Variants in NALF1 observed in about 807,000 individuals in gnomAD.
The protein encoded by NALF1 is family with sequence similarity 155 member A.
Under a neutral mutation model 48.4 loss-of-function variants are expected in NALF1, and 3 were observed. The observed-to-expected ratio is 0.06, with a 90% CI of 0.03 to 0.16. NALF1 has a LOEUF of 0.16. NALF1 is among the 10% of genes least tolerant of loss of function. The pLI, the probability that NALF1 is intolerant of heterozygous loss-of-function variation, is 1.00. For synonymous variants in NALF1, 262 were observed against 245.7 expected (o/e 1.07, Z -0.62); for missense variants, 526 against 571.5 (o/e 0.92, Z 0.81).
At chr13:107,782,085 G>T (rs539374300) in intron 1 of NALF1, among the ~76,000 whole-genome samples, 2 of 151,824 alleles carry the variant, frequency 1.3e-5, no homozygotes, top group African/African-American at 2.4e-5. Context: ...CTCTTTCCAC[G>T]GTCTCCCTCT....
intron 1 of NALF1, among the ~76,000 whole-genome samples, chr13:107,731,424 G>A (rs1471288538): frequency 6.6e-6 from 1 of 152,092 alleles, no homozygotes. Flanking sequence ...TTTAGGTTCA[G>A]GAGTACATGT....
chr13:107,220,993 T>C (rs1309213037), intron 1 of NALF1, among the ~76,000 whole-genome samples: 1 of 152,152 alleles, frequency 6.6e-6, no homozygotes, highest in Non-Finnish European at 1.5e-5. Context: ...CAAAATTTCT[T>C]TTGCAGCAAG....
intron 1 of NALF1, among the ~76,000 whole-genome samples, chr13:107,388,307 C>T (rs184810543): frequency 1.3e-5 from 2 of 152,218 alleles, no homozygotes; most frequent in Admixed American, 6.5e-5. Context: ...GGGTACTGGA[C>T]CAAAATATAA....
At chr13:107,777,659 A>C (rs1877776539) in intron 1 of NALF1, among the ~76,000 whole-genome samples, 1 of 152,168 alleles carries the variant, frequency 6.6e-6, no homozygotes, top group Non-Finnish European at 1.5e-5. Flanking sequence ...TGCTGGAGCT[A>C]TGCTTCCTCT....
Position 107,647,284 on chromosome 13 carries a change from C to T in NALF1, c.915+218398G>A, listed in dbSNP as rs540807467. Reference sequence around the variant, plus strand: ...GAACATGAATAAATCCTGTCTCTTCCCTCACTCTATGCCCTCAGTAAAGAG... The same window carrying T: ...GAACATGAATAAATCCTGTCTCTTCTCTCACTCTATGCCCTCAGTAAAGAG... On this transcript the variant is annotated intron_variant, in intron 1 of 2. Coordinates refer to ENST00000375915, the MANE Select transcript of NALF1 (RefSeq NM_001080396.3). 1.1e-4 allele frequency among the ~76,000 whole-genome samples: 16 copies of T among 151,974 alleles called. No individual in the cohort carries two copies. In the East Asian group the frequency reaches 2.5e-3, roughly 24 times the overall value.
chr13:107,481,969 A>G (rs1292532745), intron 1 of NALF1, among the ~76,000 whole-genome samples: 1 of 152,178 alleles, frequency 6.6e-6, no homozygotes, highest in Non-Finnish European at 1.5e-5. Flanking sequence ...GACATTGATT[A>G]TCTTAGTGTG....
At chr13:107,689,501 C>T (rs1881518640) in intron 1 of NALF1, among the ~76,000 whole-genome samples, 1 of 152,022 alleles carries the variant, frequency 6.6e-6, no homozygotes, top group East Asian at 1.9e-4. Context: ...AAGAATTATA[C>T]CTTGGTTATA....
chr13:107,242,228 G>T lies in NALF1; in HGVS notation c.916-31473C>A, dbSNP rs564664645. Among the ~76,000 whole-genome samples the T allele has an allele frequency of 2.6e-5, 4 of 152,320 alleles. 1 individual carries two copies. Among genetic ancestry groups the T allele is most frequent in the South Asian group, 2.1e-4 (1 of 4,828 alleles). On this transcript the variant is annotated intron_variant, in intron 1 of 2. Coordinates refer to ENST00000375915, the MANE Select transcript of NALF1 (RefSeq NM_001080396.3). ...CAAAGACCTTGCGGTTCTAAGCACA[G>T]AGTTGGCCTTCCTCCTCCTCTCCCG...
At chr13:107,410,123 G>C in intron 1 of NALF1, among the ~76,000 whole-genome samples, 1 of 152,176 alleles carries the variant, frequency 6.6e-6, no homozygotes, top group Non-Finnish European at 1.5e-5. Context: ...CTTGGTGCTT[G>C]TCCAAGAAGT....
At chr13:107,485,938 CTT>C (rs1885322999) in intron 1 of NALF1, among the ~76,000 whole-genome samples, 1 of 152,184 alleles carries the variant, frequency 6.6e-6, no homozygotes, top group African/African-American at 2.4e-5. Context: ...TAATTACACT[CTT>C]GAGAAAACTT....
intron 1 of NALF1, among the ~76,000 whole-genome samples, chr13:107,701,033 T>G (rs867279455): frequency 6.6e-6 from 1 of 152,140 alleles, no homozygotes; most frequent in Non-Finnish European, 1.5e-5. Context: ...ACACTGTTAA[T>G]GGGAATGTAG....
At chr13:107,463,891 C>T (rs1884957821) in intron 1 of NALF1, among the ~76,000 whole-genome samples, 1 of 152,200 alleles carries the variant, frequency 6.6e-6, no homozygotes, top group African/African-American at 2.4e-5. Flanking sequence ...GGCTCAGTTT[C>T]TTGCCCTTGG....
intron 1 of NALF1, among the ~76,000 whole-genome samples, chr13:107,764,101 A>C (rs766649570): frequency 6.6e-5 from 10 of 152,288 alleles, no homozygotes; most frequent in African/African-American, 1.7e-4. Context: ...TCTACTTCTT[A>C]CAACTAGGGT....
At chr13:107,392,610 T>C (rs1001312155) in intron 1 of NALF1, among the ~76,000 whole-genome samples, 1 of 152,136 alleles carries the variant, frequency 6.6e-6, no homozygotes, top group Non-Finnish European at 1.5e-5. Context: ...CCAAGATTTG[T>C]GGTGATGGGC....
In NALF1 at chr13:107,300,295, C is replaced by T. The variant is rs555009459; in HGVS notation, c.916-89540G>A. Among the ~76,000 whole-genome samples, 49 of 152,336 alleles carry T rather than the reference C, an allele frequency of 3.2e-4. 1 individual carries two copies. The South Asian group carries it at 0.01, about 32-fold the overall frequency. The stretch of plus-strand genomic sequence containing the variant: ...CTCTCATCTCTACTCAGTGAGACAG[C>T]CAGGTTTTAAATTGATCTAGAAAAT... On this transcript the variant is annotated intron_variant, in intron 1 of 2. Transcript: ENST00000375915.
At position 107,164,345 on chromosome 13, in the gene NALF1, C is replaced by T. The variant is rs930175424; in HGVS notation, c.*6152G>A. 13 of 152,016 alleles carry T rather than the reference C, an allele frequency of 8.6e-5. No individual in the cohort carries two copies. The highest frequency in any genetic ancestry group is 1.8e-4 in the Non-Finnish European group (12 of 67,990). 9.4% of individuals were successfully genotyped at this position (152,016 alleles called of 1,614,324 possible). On this transcript the variant is annotated 3_prime_UTR_variant, in exon 3 of 3. Transcript: ENST00000375915. ...CTGAACAGGTTTTCTAACTTTTTCA[C>T]TGTTATTTCATTCTATAATAATTAT...
At chr13:107,476,595 C>T (rs1594083865) in intron 1 of NALF1, among the ~76,000 whole-genome samples, 1 of 152,140 alleles carries the variant, frequency 6.6e-6, no homozygotes, top group East Asian at 1.9e-4. Flanking sequence ...CCATCCAAAA[C>T]ATTTAGCATA....
intron 1 of NALF1, among the ~76,000 whole-genome samples, chr13:107,557,855 C>A (rs1877525810): frequency 1.3e-5 from 2 of 152,138 alleles, no homozygotes; most frequent in Non-Finnish European, 2.9e-5. Context: ...TCTACATCGA[C>A]TCTAATTTTT....
intron 1 of NALF1, among the ~76,000 whole-genome samples, chr13:107,211,479 T>C (rs1483748319): frequency 6.6e-6 from 1 of 152,216 alleles, no homozygotes; most frequent in African/African-American, 2.4e-5. Context: ...TTTATGTAAT[T>C]TCATCAAATG....
Sources: gnomAD v4.1 joint callset for allele counts (sites outside exome capture counted in the v4.1 genomes callset) on GRCh38, gnomAD v4.1.1 for gene constraint, MANE v1.5 for transcripts, NCBI Gene and HGNC (gene_info 2026-07-23, HGNC 2026-07-21) for gene names.